RHOT1: variants seen among roughly 807,000 people sequenced by gnomAD.
RHOT1 encodes the protein ras homolog family member T1, also known as mitochondrial Rho GTPase 1.
A neutral mutation model predicts 95.3 loss-of-function variants in RHOT1; 27 were observed. The ratio of observed to expected loss-of-function variants is 0.28; its 90% confidence interval spans 0.21 to 0.39. The LOEUF (loss-of-function observed/expected upper bound fraction) is 0.39. RHOT1 is among the 10% of genes least tolerant of loss of function. The probability of loss-of-function intolerance (pLI) is 1.00; values close to 1 mark genes in which losing one functional copy is unlikely to be tolerated. For missense variants in RHOT1, 578 were observed against 786.7 expected (o/e 0.73, Z 3.17); for synonymous variants, 227 against 263.5 (o/e 0.86, Z 1.34).
At chr17:32,197,986 C>T (rs2037033184) in intron 11 of RHOT1, among the ~76,000 whole-genome samples, 1 of 152,174 alleles carries the variant, frequency 6.6e-6, no homozygotes, top group Non-Finnish European at 1.5e-5. Context: ...CCTTAACCTC[C>T]CAGGCTTAAC....
In RHOT1 at chr17:32,225,544, G is replaced by A. The variant is rs1456127351; in HGVS notation, c.*811G>A. The A allele has an allele frequency of 5.9e-5, 9 of 152,630 alleles. No individual in the cohort carries two copies. The East Asian group carries it at 1.7e-3, about 29-fold the overall frequency. 9.5% of individuals were successfully genotyped at this position (152,630 alleles called of 1,614,324 possible). A position where few individuals can be genotyped will look rare whatever the true frequency, so the allele number is the denominator to read the frequency against. Reference sequence around the variant, plus strand: ...AAATCATTCTATAATGGCTGTGTCTGTTATAGTATATTACAGTAACTGCAT... The same window carrying A: ...AAATCATTCTATAATGGCTGTGTCTATTATAGTATATTACAGTAACTGCAT... On this transcript the variant is annotated 3_prime_UTR_variant, in exon 20 of 20. Transcript: ENST00000545287.
chr17:32,176,541 G>GTTTT (rs934418121), intron 6 of RHOT1, among the ~76,000 whole-genome samples: 18 of 140,046 alleles, frequency 1.3e-4, no homozygotes, highest in African/African-American at 4.6e-4. Context: ...AAAAGTCTCA[G>GTTTT]TTTTATTTAT....
rs939029274 is a variant in RHOT1 at position 32,223,823 on chromosome 17, A to T, written c.1863-793A>T. 1.8e-4 allele frequency among the ~76,000 whole-genome samples: 28 copies of T among 152,202 alleles called. 1 individual carries two copies. Among genetic ancestry groups the T allele is most frequent in the African/African-American group, 6.3e-4 (26 of 41,448 alleles). Reference sequence around the variant, plus strand: ...TTTTCTTTAGAGCTTTATCCTCTTCATGGTAAGCTGTCATACTTGAGACTC... The same window carrying T: ...TTTTCTTTAGAGCTTTATCCTCTTCTTGGTAAGCTGTCATACTTGAGACTC... On this transcript the variant is annotated intron_variant, in intron 19 of 19. Transcript: ENST00000545287.
In RHOT1 at chr17:32,163,931, TG is replaced by T. The variant is rs572569839; in HGVS notation, c.38-7110del. On this transcript the variant is annotated intron_variant, in intron 1 of 19. Transcript: ENST00000545287. ...CAGCACTTTGGGAGGCCGAGGCAGG[TG>T]GATCACGAGGTCAAGAGATCGAGAC... Among the ~76,000 whole-genome samples, 21 of 151,678 alleles carry T rather than the reference TG, an allele frequency of 1.4e-4. No homozygotes were observed. The East Asian group carries it at 3.0e-3, about 22-fold the overall frequency.
At chr17:32,211,776 G>T (rs920857715) in intron 19 of RHOT1, among the ~76,000 whole-genome samples, 2 of 152,094 alleles carry the variant, frequency 1.3e-5, no homozygotes, top group Non-Finnish European at 1.5e-5. Context: ...TAGACATGAG[G>T]ATAATAACCA....
chr17:32,216,279 A>C (rs2038470796), intron 19 of RHOT1, among the ~76,000 whole-genome samples: 1 of 152,002 alleles, frequency 6.6e-6, no homozygotes, highest in Non-Finnish European at 1.5e-5. Context: ...TCTCCTTCCC[A>C]GCTAGGTTTT....
chr17:32,218,158 C>T (rs995315517), intron 19 of RHOT1, among the ~76,000 whole-genome samples: 13 of 151,876 alleles, frequency 8.6e-5, no homozygotes, highest in Admixed American at 2.0e-4. Flanking sequence ...CCACCATGCC[C>T]GTCCTCAGAA....
At chr17:32,172,993 A>G (rs1234017914) in intron 2 of RHOT1, 2 of 152,266 alleles carry the variant, frequency 1.3e-5, no homozygotes, top group African/African-American at 4.8e-5. Context: ...CTTCAACAAA[A>G]TAGAATGAAA....
At chr17:32,168,102 C>A (rs906523607) in intron 1 of RHOT1, among the ~76,000 whole-genome samples, 34 of 152,006 alleles carry the variant, frequency 2.2e-4, no homozygotes, top group Non-Finnish European at 3.2e-4. Context: ...ACTGTTGAGA[C>A]CTACTCCTCA....
At chr17:32,151,806 C>T (rs908122611) in intron 1 of RHOT1, among the ~76,000 whole-genome samples, 14 of 146,872 alleles carry the variant, frequency 9.5e-5, no homozygotes, top group African/African-American at 2.6e-4. Flanking sequence ...TGCTTGAACC[C>T]GGGAGGCGGA....
At chr17:32,163,602 C>T (rs1283140904) in intron 1 of RHOT1, among the ~76,000 whole-genome samples, 3 of 151,916 alleles carry the variant, frequency 2.0e-5, no homozygotes, top group African/African-American at 7.3e-5. Context: ...TGATGGTGCG[C>T]ACCTGTAATC....
At chr17:32,192,144 G>A in intron 8 of RHOT1, 57 bp from the exon 9 acceptor site, 1 of 843,416 alleles carries the variant, frequency 1.2e-6, no homozygotes, top group Non-Finnish European at 1.9e-6. Flanking sequence ...ATTATTCTCA[G>A]CATTGCTTAT....
chr17:32,205,540 C>T (rs2037651845), intron 16 of RHOT1, among the ~76,000 whole-genome samples: 1 of 152,192 alleles, frequency 6.6e-6, no homozygotes, highest in African/African-American at 2.4e-5. Flanking sequence ...ACTCTAGGCA[C>T]ACTGCCTATG....
chr17:32,154,362 C>T (rs1232613623), intron 1 of RHOT1, among the ~76,000 whole-genome samples: 1 of 150,128 alleles, frequency 6.7e-6, no homozygotes, highest in Non-Finnish European at 1.5e-5. Flanking sequence ...GGGCAGATCA[C>T]GAGGTCAGGA....
chr17:32,175,573 C>G (rs1245131809), intron 4 of RHOT1, among the ~76,000 whole-genome samples: 3 of 152,184 alleles, frequency 2.0e-5, no homozygotes, highest in Admixed American at 6.5e-5. Context: ...TCTCATGCCT[C>G]AGCCTCCCAA....
chr17:32,188,796 G>A (rs964492639), intron 8 of RHOT1, among the ~76,000 whole-genome samples: 1 of 152,164 alleles, frequency 6.6e-6, no homozygotes, highest in African/African-American at 2.4e-5. Flanking sequence ...TGGCCCCAAA[G>A]CCTAAAATAT....
intron 11 of RHOT1, among the ~76,000 whole-genome samples, chr17:32,195,616 C>A (rs2036822313): frequency 6.6e-6 from 1 of 152,178 alleles, no homozygotes; most frequent in Non-Finnish European, 1.5e-5. Flanking sequence ...ACATTACCTT[C>A]ATAGTGCTCT....
At chr17:32,172,584 G>A (rs2034667387) in intron 2 of RHOT1, among the ~76,000 whole-genome samples, 1 of 152,226 alleles carries the variant, frequency 6.6e-6, no homozygotes, top group South Asian at 2.1e-4. Context: ...TGTAATCCCA[G>A]CACTTTGGGA....
intron 13 of RHOT1, among the ~76,000 whole-genome samples, chr17:32,200,444 C>T (rs1437412152): frequency 6.6e-6 from 1 of 152,026 alleles, no homozygotes; most frequent in Non-Finnish European, 1.5e-5. Flanking sequence ...CATTCTTCTC[C>T]CTTTCTTCTC....
Sources: gnomAD v4.1 joint callset for allele counts (sites outside exome capture counted in the v4.1 genomes callset) on GRCh38, gnomAD v4.1.1 for gene constraint, MANE v1.5 for transcripts, NCBI Gene and HGNC (gene_info 2026-07-23, HGNC 2026-07-21) for gene names.